The following PIEZO2 variants were observed in gnomAD, a reference collection of about 807,000 sequenced individuals.
PIEZO2 encodes piezo-type mechanosensitive ion channel component 2.
A neutral mutation model predicts 337.3 loss-of-function variants in PIEZO2; 172 were observed. That is an observed-to-expected ratio of 0.51 (90% CI 0.45 to 0.58). The LOEUF (loss-of-function observed/expected upper bound fraction) is 0.58, where lower values mean the gene tolerates loss of function less well. Ranked by LOEUF, PIEZO2 falls within the 20% of genes least tolerant of loss-of-function variation. The pLI is 0.00. For synonymous variants in PIEZO2, 1,251 were observed against 1,228.5 expected, an observed-to-expected ratio of 1.02 and a Z score of -0.38; for missense variants, 3,028 against 3,391.3, an observed-to-expected ratio of 0.89 and a Z score of 2.66.
intron 11 of PIEZO2, among the ~76,000 whole-genome samples, chr18:10,799,007 T>C (rs1485012397): frequency 2.0e-5 from 3 of 152,214 alleles, no homozygotes; most frequent in Admixed American, 2.0e-4. Context: ...CTGACCTTGA[T>C]TTAACCTTAC....
chr18:11,059,310 T>C (rs2037851597), intron 2 of PIEZO2, among the ~76,000 whole-genome samples: 1 of 152,170 alleles, frequency 6.6e-6, no homozygotes, highest in Non-Finnish European at 1.5e-5. Flanking sequence ...ACATGCCAAA[T>C]TGTAAAGGCC....
At chr18:10,938,280 T>G (rs1446537368) in intron 3 of PIEZO2, among the ~76,000 whole-genome samples, 2 of 152,192 alleles carry the variant, frequency 1.3e-5, no homozygotes, top group Non-Finnish European at 2.9e-5. Context: ...TTTGCAAAAC[T>G]TGAAATAATT....
At chr18:10,937,464 T>C (rs777989713) in intron 3 of PIEZO2, among the ~76,000 whole-genome samples, 1 of 152,134 alleles carries the variant, frequency 6.6e-6, no homozygotes, top group African/African-American at 2.4e-5. Context: ...GTGGCTGGGA[T>C]TTGACAGATT....
chr18:10,729,363 C>G (rs567440839), intron 36 of PIEZO2, among the ~76,000 whole-genome samples: 1 of 152,082 alleles, frequency 6.6e-6, no homozygotes, highest in African/African-American at 2.4e-5. Context: ...CAGTGGCTCA[C>G]GCCTGTAATC....
intron 18 of PIEZO2, among the ~76,000 whole-genome samples, chr18:10,779,881 C>T (rs1397495430): frequency 6.6e-6 from 1 of 152,012 alleles, no homozygotes; most frequent in Non-Finnish European, 1.5e-5. Context: ...AGGCAAGTGT[C>T]GGGACAGCAT....
At chr18:10,889,194 G>C (rs1268644123) in intron 4 of PIEZO2, among the ~76,000 whole-genome samples, 1 of 152,184 alleles carries the variant, frequency 6.6e-6, no homozygotes, top group Non-Finnish European at 1.5e-5. Context: ...TTCAAATTCG[G>C]CTTTCATCCT....
intron 3 of PIEZO2, among the ~76,000 whole-genome samples, chr18:10,932,933 TA>T (rs755073723): frequency 0.015 from 2,079 of 137,726 alleles, 25 homozygotes; most frequent in East Asian, 0.036. Context: ...CTAAAAAAGG[TA>T]AAAAAAAAAA....
intron 1 of PIEZO2, among the ~76,000 whole-genome samples, chr18:11,140,691 G>T (rs562717871): frequency 5.9e-5 from 9 of 152,314 alleles, no homozygotes; most frequent in African/African-American, 2.2e-4. Flanking sequence ...AGGAGGCACA[G>T]ATGATACTGT....
intron 36 of PIEZO2, among the ~76,000 whole-genome samples, chr18:10,730,972 C>T (rs532322341): frequency 6.6e-6 from 1 of 152,072 alleles, no homozygotes; most frequent in Non-Finnish European, 1.5e-5. Context: ...GTGATCCACT[C>T]GCCTTGGCCT....
Position 10,952,049 on chromosome 18 carries a change from T to C in PIEZO2, c.286+27486A>G, listed in dbSNP as rs935577044. ...TCTGATTTGGCCTCCACAATAGCTC[T>C]TGGGGAAAGTCATCATGATCTTGAG... On this transcript the variant is annotated intron_variant, in intron 3 of 55. Transcript: ENST00000674853. The surrounding 1 kb of genome is among the most constrained non-coding windows in gnomAD (Gnocchi z 4.1). Among the ~76,000 whole-genome samples, 2 of 152,146 alleles carry C rather than the reference T, an allele frequency of 1.3e-5. No individual in the cohort carries two copies. The highest frequency in any genetic ancestry group is 4.8e-5 in the African/African-American group (2 of 41,444).
rs1330386644 is a variant in PIEZO2 at position 11,131,788 on chromosome 18, A to G, written c.64+16737T>C. Among the ~76,000 whole-genome samples, 1 of 152,200 alleles carries G rather than the reference A, an allele frequency of 6.6e-6. No homozygotes were observed. The highest frequency in any genetic ancestry group is 2.4e-5 in the African/African-American group (1 of 41,448). On this transcript the variant is annotated intron_variant, in intron 1 of 55. Coordinates refer to ENST00000674853, the MANE Select transcript of PIEZO2 (RefSeq NM_001378183.1). The surrounding 1 kb of genome is among the most constrained non-coding windows in gnomAD (Gnocchi z 5.3). Reference sequence around the variant, plus strand: ...AAAACTGTGAAGATATTTGTATCCCATGTGAGTGCTCACCAATGGGTGACC... The same window carrying G: ...AAAACTGTGAAGATATTTGTATCCCGTGTGAGTGCTCACCAATGGGTGACC...
intron 12 of PIEZO2, among the ~76,000 whole-genome samples, chr18:10,796,876 CACCATCATATCATACAT>C (rs1392895081): frequency 6.6e-6 from 1 of 152,128 alleles, no homozygotes. Flanking sequence ...ATATTGTACA[CACCATCATATCATACAT>C]ACCATCATAT....
At chr18:10,902,086 G>A (rs1415130118) in intron 4 of PIEZO2, among the ~76,000 whole-genome samples, 3 of 152,164 alleles carry the variant, frequency 2.0e-5, no homozygotes, top group African/African-American at 7.2e-5. Flanking sequence ...GTTTCTCATA[G>A]GAGCGAGAAC....
Position 11,083,944 on chromosome 18 carries a change from A to C in PIEZO2, c.65-17722T>G, listed in dbSNP as rs951880791. ...GTTATCCCAGCACTTTGGGAGGCCA[A>C]GGCGGGCTGACCAACTGAGGTCAGG... On this transcript the variant is annotated intron_variant, in intron 1 of 55. Transcript: ENST00000674853. This position sits in a 1 kb window ranked among gnomAD's most constrained non-coding sequence, Gnocchi z 4.4. Among the ~76,000 whole-genome samples the C allele has an allele frequency of 1.3e-5, 2 of 152,206 alleles. No individual in the cohort carries two copies. Among genetic ancestry groups the C allele is most frequent in the African/African-American group, 4.8e-5 (2 of 41,448 alleles).
chr18:10,968,107 T>C (rs2034088536), intron 3 of PIEZO2, among the ~76,000 whole-genome samples: 1 of 152,204 alleles, frequency 6.6e-6, no homozygotes. Context: ...CTTTGATCCA[T>C]TTTGAGTTGA....
chr18:10,979,634 G>A lies in PIEZO2; in HGVS notation c.187C>T (p.Leu63=), dbSNP rs1368356069. ...AGGAAGGAAAGACTGATGAAGCACA[G>A]AGACTTTAATAACCGTCCCGTATGT... is the stretch of plus-strand genomic sequence containing the variant. ...QGHTGRLLKS[L]CFISLSFLLL... is the part of the protein sequence containing the mutation. The change falls in exon 3 of 56, where the codon CTG becomes TTG. Residue 63 remains leucine (L), a synonymous_variant. Coordinates refer to ENST00000674853, the MANE Select transcript of PIEZO2 (RefSeq NM_001378183.1). This position sits in a 1 kb window ranked among gnomAD's most constrained non-coding sequence, Gnocchi z 4.0. The A allele has an allele frequency of 1.1e-5, 17 of 1,535,544 alleles. No homozygotes were observed. The highest frequency in any genetic ancestry group is 1.3e-5 in the Non-Finnish European group (15 of 1,145,754).
intron 4 of PIEZO2, among the ~76,000 whole-genome samples, chr18:10,901,433 C>T (rs1302331261): frequency 4.3e-5 from 1 of 23,358 alleles, no homozygotes. Flanking sequence ...CACACACGCA[C>T]ACACACACAC....
rs892166565 is a variant in PIEZO2, at chr18:10,854,160, C to G, written c.917+1193G>C. 6.6e-5 allele frequency among the ~76,000 whole-genome samples: 10 copies of G among 151,964 alleles called. No homozygotes were observed. Among genetic ancestry groups the G allele is most frequent in the African/African-American group, 1.9e-4 (8 of 41,378 alleles). ...TCTTGTGGAGCTATTTAAACTGTTT[C>G]CTAGCCTTTATATTTTCTGTAAATG... On this transcript the variant is annotated intron_variant, in intron 7 of 55. Coordinates refer to ENST00000674853, the MANE Select transcript of PIEZO2 (RefSeq NM_001378183.1). The surrounding 1 kb of genome is among the most constrained non-coding windows in gnomAD (Gnocchi z 4.6).
chr18:11,014,415 C>T lies in PIEZO2; in HGVS notation c.161-34755G>A, dbSNP rs114002069. Among the ~76,000 whole-genome samples, 793 of 123,566 alleles carry T rather than the reference C, an allele frequency of 6.4e-3. 6 individuals are homozygous for T. Among genetic ancestry groups the T allele is most frequent in the African/African-American group, 0.023 (739 of 32,172 alleles). The allele number at this position is 123,566 out of a possible 152,430, so 81.1% of individuals were successfully genotyped here. A position where few individuals can be genotyped will look rare whatever the true frequency, so the allele number is the denominator to read the frequency against. On this transcript the variant is annotated intron_variant, in intron 2 of 55. Transcript: ENST00000674853. ...CCTCAGTGTGGAGCACGTCACTCTGCGTGGGACAGCGATCCGGAGCCCCTC... is the reference window on the plus strand; with the variant it reads ...CCTCAGTGTGGAGCACGTCACTCTGTGTGGGACAGCGATCCGGAGCCCCTC...
Sources: allele counts gnomAD v4.1 joint callset (sites outside exome capture counted in the v4.1 genomes callset), GRCh38; gene constraint gnomAD v4.1.1; non-coding constraint Gnocchi (gnomAD v3.1); transcripts MANE v1.5; gene names NCBI Gene and HGNC (gene_info 2026-07-23, HGNC 2026-07-21).